PDE10A: variants seen among roughly 807,000 people sequenced by gnomAD.
PDE10A encodes phosphodiesterase 10A, also known as cAMP and cAMP-inhibited cGMP 3',5'-cyclic phosphodiesterase 10A.
Under a neutral mutation model 97.7 loss-of-function variants are expected in PDE10A, and 39 were observed. That is an observed-to-expected ratio of 0.40 (90% CI 0.31 to 0.52). The LOEUF (loss-of-function observed/expected upper bound fraction) is 0.52, where lower values mean the gene tolerates loss of function less well. PDE10A is among the 20% of genes least tolerant of loss of function. The pLI is 0.56. For synonymous variants in PDE10A, 371 were observed against 376.8 expected (o/e 0.98, Z 0.18); for missense variants, 731 against 1,047.8 (o/e 0.70, Z 4.17).
intron 1 of PDE10A, among the ~76,000 whole-genome samples, chr6:165,888,933 C>T (rs1037539768): frequency 1.3e-5 from 2 of 152,198 alleles, no homozygotes; most frequent in African/African-American, 4.8e-5. Flanking sequence ...CATGGCAGAG[C>T]TCAGGCAGTC....
intron 2 of PDE10A, 112 bp downstream of exon 2, chr6:165,543,328 G>A: frequency 1.4e-6 from 1 of 718,898 alleles, no homozygotes; most frequent in Non-Finnish European, 2.1e-6. Context: ...TAGAATTACA[G>A]TGTTAATATT....
rs377462182 is a variant in PDE10A, at chr6:165,673,663, T to C, written c.-614-130095A>G. ...TGTCTTCACACTTTCATGTTTTGTT[T>C]TGAAATTTTTATCATGTGTATTCAG... On this transcript the variant is annotated intron_variant, in intron 1 of 19. Coordinates refer to the PDE10A transcript ENST00000366882. 5.5e-4 allele frequency among the ~76,000 whole-genome samples: 84 copies of C among 152,408 alleles called. No individual in the cohort carries two copies. In the Middle Eastern group the frequency reaches 0.02, roughly 37 times the overall value.
At chr6:165,640,143 C>T (rs1789064250) in intron 1 of PDE10A, among the ~76,000 whole-genome samples, 1 of 151,638 alleles carries the variant, frequency 6.6e-6, no homozygotes, top group South Asian at 2.1e-4. Context: ...GTAACTCTTT[C>T]CCATTAGGGT....
chr6:165,986,821 G>T (rs1459843208), intron 1 of PDE10A, among the ~76,000 whole-genome samples: 3 of 152,074 alleles, frequency 2.0e-5, no homozygotes, highest in Non-Finnish European at 4.4e-5. Context: ...GTTTGGTGAG[G>T]ATGCGATTTC....
intron 1 of PDE10A, among the ~76,000 whole-genome samples, chr6:165,574,634 C>T (rs1011717514): frequency 1.3e-5 from 2 of 152,170 alleles, no homozygotes; most frequent in African/African-American, 2.4e-5. Context: ...GTAATCAACA[C>T]GTACATTCTG....
chr6:165,462,458 T>C (rs1778380592), intron 3 of PDE10A, among the ~76,000 whole-genome samples: 1 of 152,098 alleles, frequency 6.6e-6, no homozygotes, highest in African/African-American at 2.4e-5. Context: ...TAACTTGGGG[T>C]AAAGGTTATG....
intron 18 of PDE10A, among the ~76,000 whole-genome samples, chr6:165,361,314 A>C (rs1783411071): frequency 6.6e-6 from 1 of 152,218 alleles, no homozygotes; most frequent in Admixed American, 6.5e-5. Flanking sequence ...AAATAAAACA[A>C]GCCTCATTAG....
rs373970454 is a variant in PDE10A at position 165,778,841 on chromosome 6, T to C, written c.-615+208688A>G. ...TTGCTTGTATTTGTTGCCCAATTTT[T>C]TTTAATTAAAAATTTTTAAAATTAG... is the stretch of plus-strand genomic sequence containing the variant. On this transcript the variant is annotated intron_variant, in intron 1 of 19. Coordinates refer to the PDE10A transcript ENST00000366882. Among the ~76,000 whole-genome samples the C allele has an allele frequency of 7.2e-5, 11 of 152,354 alleles. No homozygotes were observed. The East Asian group carries it at 1.5e-3, about 21-fold the overall frequency.
intron 1 of PDE10A, among the ~76,000 whole-genome samples, chr6:165,658,731 G>T (rs906134824): frequency 1.3e-5 from 2 of 152,252 alleles, no homozygotes; most frequent in African/African-American, 4.8e-5. Context: ...AGGCACAAGA[G>T]TTTTTCCTAC....
At chr6:165,415,883 A>G (rs182640524) in intron 12 of PDE10A, among the ~76,000 whole-genome samples, 1 of 152,324 alleles carries the variant, frequency 6.6e-6, no homozygotes, top group African/African-American at 2.4e-5. Flanking sequence ...TTACAAAATC[A>G]TGACACTATA....
chr6:165,647,839 C>T (rs1460086011), intron 1 of PDE10A, among the ~76,000 whole-genome samples: 1 of 152,190 alleles, frequency 6.6e-6, no homozygotes, highest in East Asian at 1.9e-4. Context: ...CACTTGCTCT[C>T]CTGAAGGCAC....
intron 1 of PDE10A, among the ~76,000 whole-genome samples, chr6:165,805,336 G>A (rs1779105243): frequency 1.3e-5 from 2 of 152,146 alleles, no homozygotes; most frequent in South Asian, 2.1e-4. Flanking sequence ...CAGATCCGGG[G>A]CGTCACTTCT....
At chr6:165,430,827 C>G (rs1393404781) in intron 8 of PDE10A, among the ~76,000 whole-genome samples, 3 of 152,032 alleles carry the variant, frequency 2.0e-5, no homozygotes. Context: ...CAGTTCTTCC[C>G]TCATCAACCT....
chr6:165,416,025 T>A (rs1163725534), intron 12 of PDE10A, among the ~76,000 whole-genome samples, 164 bp downstream of exon 12: 2 of 152,228 alleles, frequency 1.3e-5, no homozygotes, highest in African/African-American at 4.8e-5. Context: ...TTTATAAATA[T>A]CTGAATATAC....
At chr6:165,616,576 C>T (rs113775282) in intron 1 of PDE10A, among the ~76,000 whole-genome samples, 63 of 152,114 alleles carry the variant, frequency 4.1e-4, no homozygotes, top group African/African-American at 1.2e-3. Context: ...ATGGAGAAGC[C>T]GATATCATGT....
chr6:165,894,387 G>A (rs755016600), intron 1 of PDE10A: 5 of 455,960 alleles, frequency 1.1e-5, no homozygotes, highest in South Asian at 7.7e-5. Flanking sequence ...AGAACACTTG[G>A]CTGAAACCAC....
At chr6:165,756,494 C>A (rs1793120234) in intron 1 of PDE10A, among the ~76,000 whole-genome samples, 1 of 152,062 alleles carries the variant, frequency 6.6e-6, no homozygotes, top group Admixed American at 6.5e-5. Context: ...GAATATATAC[C>A]TCACACTATT....
chr6:165,682,147 T>A (rs1790994243), intron 1 of PDE10A, among the ~76,000 whole-genome samples: 1 of 152,194 alleles, frequency 6.6e-6, no homozygotes, highest in Non-Finnish European at 1.5e-5. Context: ...TTGTTGTCTT[T>A]TTAAGTTACG....
intron 1 of PDE10A, among the ~76,000 whole-genome samples, chr6:165,924,541 G>A (rs1018443242): frequency 3.9e-5 from 6 of 151,922 alleles, no homozygotes; most frequent in South Asian, 2.1e-4. Flanking sequence ...GGTACAATTC[G>A]CAGTTTCCTA....
Sources: allele counts gnomAD v4.1 joint callset (sites outside exome capture counted in the v4.1 genomes callset), GRCh38; gene constraint gnomAD v4.1.1; transcripts MANE v1.5; gene names NCBI Gene and HGNC (gene_info 2026-07-23, HGNC 2026-07-21).